Variants in DCAF6 observed in about 807,000 individuals in gnomAD.
DCAF6 encodes DDB1- and CUL4-associated factor 6.
DCAF6 carries 54 observed loss-of-function variants against 125.1 expected under a neutral mutation model. The ratio of observed to expected loss-of-function variants is 0.43; its 90% CI spans 0.35 to 0.54. The LOEUF is 0.54. Among genes scored for constraint, DCAF6 ranks in the 20% least tolerant of loss-of-function variants. The probability of loss-of-function intolerance (pLI) is 0.01; values close to 1 mark genes in which losing one functional copy is unlikely to be tolerated. For missense variants in DCAF6, 934 were observed against 1,161.7 expected (o/e 0.80, Z 2.85); for synonymous variants, 371 against 390.4 (o/e 0.95, Z 0.58).
chr1:167,873,518 C>T, the DCAF6 span, among the ~76,000 whole-genome samples: 5 of 152,238 alleles, frequency 3.3e-5, no homozygotes, highest in Admixed American at 3.3e-4. Context: ...TCGTGTCTGA[C>T]AGAAGGAAAT....
At chr1:168,017,032 T>C (rs1464159108) in intron 11 of DCAF6, among the ~76,000 whole-genome samples, 1 of 152,016 alleles carries the variant, frequency 6.6e-6, no homozygotes, top group Non-Finnish European at 1.5e-5. Context: ...ATTTAAGTCA[T>C]TGTAATATAG....
rs1389235054 is a variant in DCAF6, at chr1:168,024,474, T to G, written c.1609+1427T>G. Among the ~76,000 whole-genome samples, 6 of 152,122 alleles carry G rather than the reference T, an allele frequency of 3.9e-5. No homozygotes were observed. In the East Asian group the frequency reaches 7.7e-4, roughly 20 times the overall value. ...AAATATTCAGAAACTAATTTTAAAG[T>G]GAATTAGAAAACTTCTTTTGTACTT... On this transcript the variant is annotated intron_variant, in intron 12 of 21. Coordinates refer to ENST00000367840, the MANE Select transcript of DCAF6 (RefSeq NM_001198956.2).
chr1:168,063,477 C>T (rs970662971), intron 17 of DCAF6, 144 bp from the exon 18 acceptor site: 34 of 563,390 alleles, frequency 6.0e-5, no homozygotes, highest in African/African-American at 4.8e-4. Flanking sequence ...GTTGTGTCTG[C>T]GTTTTTATGC....
intron 5 of DCAF6, among the ~76,000 whole-genome samples, chr1:167,990,580 T>G (rs1680686656): frequency 6.6e-6 from 1 of 152,190 alleles, no homozygotes; most frequent in Non-Finnish European, 1.5e-5. Flanking sequence ...TATGGGAATA[T>G]TTAACAGGCA....
At chr1:168,063,518 G>A in intron 17 of DCAF6, 103 bp from the exon 18 acceptor site, 1 of 995,254 alleles carries the variant, frequency 1.0e-6, no homozygotes, top group Non-Finnish European at 1.4e-6. Context: ...TTGAGATAGT[G>A]TGTTTATGTA....
chr1:168,044,695 T>A, intron 15 of DCAF6, 24 bp downstream of exon 15: 1 of 1,562,712 alleles, frequency 6.4e-7, no homozygotes, highest in Non-Finnish European at 8.8e-7. Flanking sequence ...TTTAGATAAT[T>A]GCTTTGTATG....
chr1:168,038,334 C>T, intron 12 of DCAF6, 37 bp from the exon 13 acceptor site: 1 of 1,472,520 alleles, frequency 6.8e-7, no homozygotes, highest in African/African-American at 1.4e-5. Flanking sequence ...TTACTGGTTT[C>T]AGAGACTTTT....
At chr1:167,904,980 C>T in the DCAF6 span, 10 of 1,614,184 alleles carry the variant, frequency 6.2e-6, no homozygotes, top group South Asian at 2.2e-5. Flanking sequence ...ACAAACATCC[C>T]TTTTGCACTT....
chr1:167,935,971 TC>T, upstream of DCAF6: 1 of 702,440 alleles, frequency 1.4e-6, no homozygotes, highest in East Asian at 2.7e-5. Flanking sequence ...GGAGTACCCT[TC>T]CCGCGGCTTT....
At chr1:167,951,354 C>G (rs1204248558) in intron 1 of DCAF6, among the ~76,000 whole-genome samples, 1 of 152,124 alleles carries the variant, frequency 6.6e-6, no homozygotes, top group Non-Finnish European at 1.5e-5. Flanking sequence ...GCGGGTGGAT[C>G]AGTTGAGGTG....
the DCAF6 span, among the ~76,000 whole-genome samples, chr1:167,895,460 G>A: frequency 3.9e-5 from 6 of 152,214 alleles, no homozygotes; most frequent in East Asian, 1.2e-3. Flanking sequence ...AAATACTCCA[G>A]ACCTGTACAT....
At chr1:167,940,331 T>C (rs1367702880) in intron 1 of DCAF6, among the ~76,000 whole-genome samples, 1 of 152,180 alleles carries the variant, frequency 6.6e-6, no homozygotes, top group Non-Finnish European at 1.5e-5. Flanking sequence ...ATTTTAATCT[T>C]TGTGAGCCCT....
the DCAF6 span, among the ~76,000 whole-genome samples, chr1:167,883,904 A>G: frequency 6.6e-6 from 1 of 152,242 alleles, no homozygotes; most frequent in African/African-American, 2.4e-5. Flanking sequence ...AGCCATTGCA[A>G]TAAGGGAAAT....
upstream of DCAF6, among the ~76,000 whole-genome samples, chr1:167,933,826 A>G (rs1298716012): frequency 2.0e-5 from 3 of 152,238 alleles, no homozygotes; most frequent in Non-Finnish European, 2.9e-5. Flanking sequence ...CTGCTGTAAT[A>G]GATATCCTTA....
At chr1:167,976,129 T>TA (rs932540816) in intron 4 of DCAF6, among the ~76,000 whole-genome samples, 5 of 152,158 alleles carry the variant, frequency 3.3e-5, no homozygotes, top group African/African-American at 1.2e-4. Flanking sequence ...TTCTACTTTT[T>TA]AAAAAAAGTT....
chr1:167,880,274 C>A, the DCAF6 span: 1 of 1,290,838 alleles, frequency 7.7e-7, no homozygotes, highest in Non-Finnish European at 1.1e-6. Flanking sequence ...GAAATAATGT[C>A]TGGGTTGGGA....
chr1:167,974,744 ATG>A, intron 3 of DCAF6, 84 bp from the exon 4 acceptor site: 2 of 1,001,798 alleles, frequency 2.0e-6, no homozygotes, highest in Non-Finnish European at 2.8e-6. Context: ...GTTAATGAGA[ATG>A]TATTACTGGC....
In DCAF6 at chr1:168,044,919, A is replaced by T. The variant is rs1688976204; in HGVS notation, c.1950A>T (p.Thr650=). ...TGACAGCACAATCAGATAAGTTCAC[A>T]GCCAAGCCATTGGATTCCAACTCAG... is the stretch of plus-strand genomic sequence containing the variant. ...HINITQSDKF[T]AKPLDSNSGE... The change falls in exon 16 of 22, where the codon ACA becomes ACT. Residue 650 remains threonine (T), a synonymous_variant. Coordinates refer to ENST00000367840, the MANE Select transcript of DCAF6 (RefSeq NM_001198956.2). 1 of 1,613,842 alleles carries T rather than the reference A, an allele frequency of 6.2e-7. No homozygotes were observed. The highest frequency in any genetic ancestry group is 1.3e-5 in the African/African-American group (1 of 74,900).
intron 2 of DCAF6, among the ~76,000 whole-genome samples, chr1:167,958,183 G>C (rs921276736): frequency 6.6e-6 from 1 of 152,098 alleles, no homozygotes; most frequent in African/African-American, 2.4e-5. Flanking sequence ...TGCTTGGGCT[G>C]TTGGTGCCGT....
Sources: gnomAD v4.1 joint callset for allele counts (sites outside exome capture counted in the v4.1 genomes callset) on GRCh38, gnomAD v4.1.1 for gene constraint, MANE v1.5 for transcripts, NCBI Gene and HGNC (gene_info 2026-07-23, HGNC 2026-07-21) for gene names.